RASA3: variants seen among roughly 807,000 people sequenced by gnomAD.
RASA3 encodes ras GTPase-activating protein 3.
Under a neutral mutation model 110.0 loss-of-function variants are expected in RASA3, and 73 were observed. That is an observed-to-expected ratio of 0.66 (90% confidence interval 0.55 to 0.81). RASA3 has a LOEUF of 0.81. Among genes scored for constraint, RASA3 ranks in the 30% least tolerant of loss-of-function variants. The pLI is 0.00. For synonymous variants in RASA3, 500 were observed against 451.4 expected (o/e 1.11, Z -1.37); for missense variants, 976 against 1,113.2 (o/e 0.88, Z 1.75).
At chr13:114,102,458 TCAGGTCCCACCCTCCCC>T (rs2080072242) in intron 1 of RASA3, among the ~76,000 whole-genome samples, 1 of 151,848 alleles carries the variant, frequency 6.6e-6, no homozygotes, top group Non-Finnish European at 1.5e-5. Context: ...AGAACCAAGC[TCAGGTCCCACCCTCCCC>T]CAGAGCCTGG....
rs534169191 is a variant in RASA3, at chr13:114,105,856, G to T, written c.55+26579C>A. 5.3e-5 allele frequency among the ~76,000 whole-genome samples: 8 copies of T among 152,350 alleles called. No homozygotes were observed. The South Asian group carries it at 1.7e-3, about 32-fold the overall frequency. On this transcript the variant is annotated intron_variant, in intron 1 of 23. Transcript: ENST00000334062. ...AGTGGCCTAAGGAAGTCAGCTAGCTGTGAAACTATTACGGTAAGCTACACA... is the reference window on the plus strand; with the variant it reads ...AGTGGCCTAAGGAAGTCAGCTAGCTTTGAAACTATTACGGTAAGCTACACA...
At chr13:114,064,792 C>T (rs912001431) in intron 2 of RASA3, among the ~76,000 whole-genome samples, 1 of 152,242 alleles carries the variant, frequency 6.6e-6, no homozygotes, top group African/African-American at 2.4e-5. Flanking sequence ...AGGTCAGCAG[C>T]AGTCAGATGC....
intron 2 of RASA3, among the ~76,000 whole-genome samples, chr13:114,069,006 T>C (rs935354626): frequency 6.6e-6 from 1 of 152,000 alleles, no homozygotes; most frequent in Non-Finnish European, 1.5e-5. Flanking sequence ...CAGCACTCGA[T>C]AAAGAGGCCC....
chr13:114,037,262 C>T (rs988419588), intron 4 of RASA3, among the ~76,000 whole-genome samples: 31 of 152,186 alleles, frequency 2.0e-4, no homozygotes, highest in African/African-American at 5.5e-4. Flanking sequence ...GAAGTTGCAC[C>T]GACTGTCACA....
chr13:114,100,370 ACT>A (rs746164382), intron 1 of RASA3, among the ~76,000 whole-genome samples: 1 of 151,638 alleles, frequency 6.6e-6, no homozygotes, highest in Non-Finnish European at 1.5e-5. Context: ...GAGATTTTAG[ACT>A]CTTGTGCGCA....
At chr13:114,092,976 T>G (rs2079904933) in intron 1 of RASA3, among the ~76,000 whole-genome samples, 1 of 152,224 alleles carries the variant, frequency 6.6e-6, no homozygotes, top group Non-Finnish European at 1.5e-5. Context: ...CCAACTTACC[T>G]TTGATTGTAA....
At chr13:114,106,283 G>A (rs947488513) in intron 1 of RASA3, among the ~76,000 whole-genome samples, 2 of 152,150 alleles carry the variant, frequency 1.3e-5, no homozygotes. Context: ...AGAAACTAAC[G>A]CAAAGAAAGA....
At chr13:114,037,693 T>C (rs2054304715) in intron 4 of RASA3, among the ~76,000 whole-genome samples, 1 of 152,132 alleles carries the variant, frequency 6.6e-6, no homozygotes, top group Non-Finnish European at 1.5e-5. Flanking sequence ...TTTTACCACA[T>C]AAAAAACTGG....
intron 3 of RASA3, among the ~76,000 whole-genome samples, chr13:114,050,212 C>A (rs187733064): frequency 6.6e-6 from 1 of 152,190 alleles, no homozygotes; most frequent in African/African-American, 2.4e-5. Flanking sequence ...GCAGGGGTCA[C>A]GCTGGACCCT....
intron 2 of RASA3, among the ~76,000 whole-genome samples, chr13:114,070,146 CGGGAGACTCGGGGGTT>C (rs2079545507): frequency 1.1e-5 from 1 of 93,610 alleles, no homozygotes; most frequent in Non-Finnish European, 2.1e-5. Context: ...CTCAGGCGGC[CGGGAGACTCGGGGGTT>C]GGGAGACTCG....
intron 3 of RASA3, among the ~76,000 whole-genome samples, chr13:114,051,211 CGAG>C (rs1316020623): frequency 6.6e-6 from 1 of 152,190 alleles, no homozygotes; most frequent in Non-Finnish European, 1.5e-5. Flanking sequence ...GCCATGAAGA[CGAG>C]GAGCCTGCAC....
chr13:114,009,490 G>A (rs753249271), intron 16 of RASA3, 26 bp from the exon 17 acceptor site: 3 of 1,517,470 alleles, frequency 2.0e-6, no homozygotes, highest in East Asian at 2.3e-5. Context: ...GATCACTCGA[G>A]GACAGCCCGA....
intron 3 of RASA3, among the ~76,000 whole-genome samples, chr13:114,041,912 C>G (rs1037370314): frequency 2.0e-5 from 3 of 152,194 alleles, no homozygotes; most frequent in African/African-American, 7.2e-5. Context: ...CTGGTGTGGG[C>G]TGGAATCTGC....
intron 1 of RASA3, among the ~76,000 whole-genome samples, chr13:114,097,278 G>C (rs1364532110): frequency 1.3e-5 from 2 of 152,230 alleles, no homozygotes; most frequent in African/African-American, 4.8e-5. Context: ...ATACCCTGCA[G>C]ATAAGGTCAG....
At chr13:114,111,715 C>T (rs2080223034) in intron 1 of RASA3, among the ~76,000 whole-genome samples, 1 of 152,268 alleles carries the variant, frequency 6.6e-6, no homozygotes, top group South Asian at 2.1e-4. Context: ...GTATTTGCAA[C>T]TATGTCCATG....
intron 7 of RASA3, among the ~76,000 whole-genome samples, chr13:114,026,528 C>T (rs565222295): frequency 6.6e-6 from 1 of 152,196 alleles, no homozygotes; most frequent in Non-Finnish European, 1.5e-5. Flanking sequence ...GGGGCCCTTT[C>T]GAGCCTCAGC....
chr13:114,040,323 G>A (rs1228837314), intron 4 of RASA3, among the ~76,000 whole-genome samples: 6 of 132,984 alleles, frequency 4.5e-5, no homozygotes, highest in East Asian at 2.4e-4. Context: ...GAGCACAAGC[G>A]GGCGAACACG....
rs945662562 is a variant in RASA3, at chr13:114,038,216, T to G, written c.372+2784A>C. On this transcript the variant is annotated intron_variant, in intron 4 of 23. Coordinates refer to ENST00000334062, the MANE Select transcript of RASA3 (RefSeq NM_007368.4). The stretch of plus-strand genomic sequence containing the variant: ...ACGGAGACCCCAGCGACGGCGGGTA[T>G]CCCAGAATAGAAGAGCTGGGGAACT... Among the ~76,000 whole-genome samples the G allele has an allele frequency of 5.9e-5, 9 of 152,168 alleles. No homozygotes were observed. In the East Asian group the frequency reaches 1.7e-3, roughly 29 times the overall value.
chr13:114,043,504 G>A (rs1161071247), intron 3 of RASA3, among the ~76,000 whole-genome samples: 2 of 152,104 alleles, frequency 1.3e-5, no homozygotes, highest in African/African-American at 2.4e-5. Flanking sequence ...ACAGCTACCC[G>A]GACGTAGATA....
Sources: allele counts gnomAD v4.1 joint callset (sites outside exome capture counted in the v4.1 genomes callset), GRCh38; gene constraint gnomAD v4.1.1; transcripts MANE v1.5; gene names NCBI Gene and HGNC (gene_info 2026-07-23, HGNC 2026-07-21).